Variants in OSBPL8 observed in about 807,000 individuals in gnomAD.
OSBPL8 encodes oxysterol-binding protein-related protein 8.
In OSBPL8, 59 loss-of-function variants were observed where a neutral mutation model predicts 125.5. The observed-to-expected ratio is 0.47, with a 90% CI of 0.38 to 0.58. The LOEUF (loss-of-function observed/expected upper bound fraction) is 0.58. Ranked by LOEUF, OSBPL8 falls within the 20% of genes least tolerant of loss-of-function variation. The probability of loss-of-function intolerance (pLI) is 0.00; values close to 1 mark genes in which losing one functional copy is unlikely to be tolerated. For synonymous variants in OSBPL8, 330 were observed against 338.9 expected (o/e 0.97, Z 0.29); for missense variants, 758 against 1,047.8 (o/e 0.72, Z 3.82).
chr12:76,393,485 C>T (rs1244405551), intron 9 of OSBPL8, among the ~76,000 whole-genome samples: 3 of 151,524 alleles, frequency 2.0e-5, no homozygotes, highest in Non-Finnish European at 4.4e-5. Flanking sequence ...CCGAGGCAGG[C>T]GGATCACGAG....
intron 6 of OSBPL8, 78 bp from the exon 7 acceptor site, chr12:76,400,052 C>T (rs1412337095): frequency 9.1e-7 from 1 of 1,097,372 alleles, no homozygotes; most frequent in Non-Finnish European, 1.3e-6. Context: ...GGTACAAATG[C>T]AGGTTTGTTA....
intron 4 of OSBPL8, among the ~76,000 whole-genome samples, chr12:76,430,149 A>T (rs1047900846): frequency 6.6e-6 from 1 of 152,168 alleles, no homozygotes; most frequent in African/African-American, 2.4e-5. Flanking sequence ...ACCCAACCAC[A>T]TTCTTCTTAA....
intron 4 of OSBPL8, among the ~76,000 whole-genome samples, chr12:76,424,022 A>C (rs1176659082): frequency 2.6e-5 from 4 of 152,020 alleles, no homozygotes; most frequent in African/African-American, 7.3e-5. Flanking sequence ...GTTTTTTTTG[A>C]GATGGAGTCT....
At chr12:76,373,270 T>C in intron 18 of OSBPL8, 74 bp downstream of exon 18, 2 of 968,376 alleles carry the variant, frequency 2.1e-6, no homozygotes, top group South Asian at 3.6e-5. Flanking sequence ...GAATAAGTTT[T>C]AAATTTTAAA....
At chr12:76,392,492 T>C (rs1230614051) in intron 10 of OSBPL8, 89 bp downstream of exon 10, 64 of 1,267,132 alleles carry the variant, frequency 5.1e-5, no homozygotes, top group Non-Finnish European at 6.2e-5. Context: ...CAGTCCTAGA[T>C]ACACTACTAA....
intron 4 of OSBPL8, among the ~76,000 whole-genome samples, chr12:76,432,440 G>C (rs1000897334): frequency 6.6e-6 from 1 of 152,058 alleles, no homozygotes; most frequent in South Asian, 2.1e-4. Context: ...AATTAGCCGG[G>C]TGTGGTGGCA....
At chr12:76,527,048 C>A (rs1333303763) in intron 1 of OSBPL8, among the ~76,000 whole-genome samples, 2 of 152,042 alleles carry the variant, frequency 1.3e-5, no homozygotes, top group African/African-American at 4.8e-5. Context: ...AATTATGAGG[C>A]TAAAATGTCA....
At chr12:76,413,038 T>A (rs1018529282) in intron 4 of OSBPL8, among the ~76,000 whole-genome samples, 6 of 152,222 alleles carry the variant, frequency 3.9e-5, no homozygotes, top group African/African-American at 1.4e-4. Context: ...GGTCTAATCT[T>A]TGTATATTCT....
chr12:76,447,023 CCTAAG>C (rs1872789564), intron 4 of OSBPL8, among the ~76,000 whole-genome samples: 2 of 152,112 alleles, frequency 1.3e-5, no homozygotes, highest in Admixed American at 6.5e-5. Context: ...ACCAAGTAAC[CCTAAG>C]TGATGATCTT....
chr12:76,464,594 A>G (rs1431119594), intron 2 of OSBPL8, among the ~76,000 whole-genome samples: 1 of 152,216 alleles, frequency 6.6e-6, no homozygotes, highest in African/African-American at 2.4e-5. Context: ...TAAACAAGCA[A>G]TCTTGAGGGT....
chr12:76,463,887 A>C (rs1875051309), intron 2 of OSBPL8, among the ~76,000 whole-genome samples: 1 of 152,228 alleles, frequency 6.6e-6, no homozygotes, highest in Non-Finnish European at 1.5e-5. Context: ...TAAACTGCAC[A>C]CTACTAATTT....
Position 76,489,940 on chromosome 12 carries a change from C to T in OSBPL8, c.-67-2322G>A, listed in dbSNP as rs201399733. Among the ~76,000 whole-genome samples, 4 of 152,282 alleles carry T rather than the reference C, an allele frequency of 2.6e-5. No individual in the cohort carries two copies. In the East Asian group the frequency reaches 5.8e-4, roughly 22 times the overall value. ...AGGAGGAGGTCAAAATACCAACATT[C>T]GCAGGAATTTGGAAGAAGTTGATTC... On this transcript the variant is annotated intron_variant, in intron 1 of 23. Coordinates refer to ENST00000261183, the MANE Select transcript of OSBPL8 (RefSeq NM_020841.5).
chr12:76,388,458 G>A (rs546770618), intron 12 of OSBPL8, among the ~76,000 whole-genome samples: 1 of 152,094 alleles, frequency 6.6e-6, no homozygotes, highest in Non-Finnish European at 1.5e-5. Context: ...GAGACAGGGG[G>A]CATCTCTCAA....
intron 1 of OSBPL8, among the ~76,000 whole-genome samples, chr12:76,488,049 T>C (rs905750730): frequency 6.6e-6 from 1 of 152,210 alleles, no homozygotes; most frequent in Admixed American, 6.5e-5. Context: ...ATTAAAAATA[T>C]GTATGTTTTA....
At chr12:76,450,019 TCATCA>T (rs1873194740) in intron 4 of OSBPL8, among the ~76,000 whole-genome samples, 1 of 152,168 alleles carries the variant, frequency 6.6e-6, no homozygotes, top group African/African-American at 2.4e-5. Context: ...TTCAATCGGA[TCATCA>T]CATCACAACA....
At chr12:76,498,194 C>T (rs976221600) in intron 1 of OSBPL8, among the ~76,000 whole-genome samples, 7 of 152,324 alleles carry the variant, frequency 4.6e-5, no homozygotes, top group African/African-American at 1.7e-4. Context: ...CACCTGAGGT[C>T]ATAAGTTCGA....
chr12:76,363,103 G>A (rs186760026), intron 21 of OSBPL8, among the ~76,000 whole-genome samples: 9 of 152,194 alleles, frequency 5.9e-5, no homozygotes, highest in East Asian at 1.9e-4. Flanking sequence ...ATGGCCATAC[G>A]GCCATAAGTA....
At chr12:76,390,016 G>T in intron 11 of OSBPL8, 187 bp from the exon 12 acceptor site, 1 of 436,046 alleles carries the variant, frequency 2.3e-6, no homozygotes, top group Non-Finnish European at 3.9e-6. Flanking sequence ...AGCTGAAAAA[G>T]ACATCAAAGT....
intron 4 of OSBPL8, among the ~76,000 whole-genome samples, chr12:76,439,388 A>T (rs1871900675): frequency 6.6e-6 from 1 of 152,116 alleles, no homozygotes; most frequent in South Asian, 2.1e-4. Flanking sequence ...CCAAAAAAAA[A>T]AAAGATATAC....
Sources: gnomAD v4.1 joint callset for allele counts (sites outside exome capture counted in the v4.1 genomes callset) on GRCh38, gnomAD v4.1.1 for gene constraint, MANE v1.5 for transcripts, NCBI Gene and HGNC (gene_info 2026-07-23, HGNC 2026-07-21) for gene names.